NFE2L3: variants seen among roughly 807,000 people sequenced by gnomAD.
The protein encoded by NFE2L3 is nuclear factor erythroid 2-related factor 3.
NFE2L3 carries 18 observed loss-of-function variants against 23.5 expected under a neutral mutation model. That is an observed-to-expected ratio of 0.77 (90% confidence interval 0.53 to 1.13). NFE2L3 has a LOEUF of 1.13. NFE2L3 is among the 50% of genes most tolerant of loss of function. NFE2L3 has a pLI of 0.00. For synonymous variants in NFE2L3, 424 were observed against 354.5 expected, an observed-to-expected ratio of 1.20 and a Z score of -2.20; for missense variants, 1,152 against 877.2, an observed-to-expected ratio of 1.31 and a Z score of -3.96.
In NFE2L3 at chr7:26,169,726, T is replaced by C. The variant is rs1784308404; in HGVS notation, c.571-8217T>C. On this transcript the variant is annotated intron_variant, in intron 1 of 3. Coordinates refer to ENST00000056233, the MANE Select transcript of NFE2L3 (RefSeq NM_004289.7). ...ATACAGGAAGGACCATCTAAGAAGA[T>C]ACTTATTCAATACCTAAGTCTGTGC... Among the ~76,000 whole-genome samples, 3 of 152,242 alleles carry C rather than the reference T, an allele frequency of 2.0e-5. 1 individual carries two copies. In the South Asian group the frequency reaches 6.2e-4, roughly 32 times the overall value.
intron 3 of NFE2L3, 97 bp downstream of exon 3, chr7:26,183,881 T>C (rs1782400414): frequency 2.5e-6 from 2 of 788,254 alleles, no homozygotes; most frequent in South Asian, 3.0e-5. Context: ...CACAGCAGTT[T>C]AAAGTAATGC....
intron 1 of NFE2L3, among the ~76,000 whole-genome samples, chr7:26,176,287 T>C (rs1336111384): frequency 1.3e-5 from 2 of 152,168 alleles, no homozygotes; most frequent in Non-Finnish European, 2.9e-5. Context: ...AACAATCTGA[T>C]CTCTCGTTCT....
At chr7:26,170,340 C>A (rs895754820) in intron 1 of NFE2L3, among the ~76,000 whole-genome samples, 1 of 152,184 alleles carries the variant, frequency 6.6e-6, no homozygotes, top group Non-Finnish European at 1.5e-5. Context: ...TCTAACATTT[C>A]GAATCTGTCC....
At chr7:26,157,688 T>C (rs1784103822) in intron 1 of NFE2L3, among the ~76,000 whole-genome samples, 2 of 152,164 alleles carry the variant, frequency 1.3e-5, no homozygotes, top group East Asian at 3.8e-4. Context: ...CTAAAGGAAG[T>C]TGTAAAGGTG....
intron 1 of NFE2L3, chr7:26,173,884 T>C (rs1406488583): frequency 6.6e-6 from 1 of 151,994 alleles, no homozygotes; most frequent in Non-Finnish European, 1.5e-5. Context: ...CAAATAAACA[T>C]GGTAATATAT....
chr7:26,165,456 A>T (rs1016930472), intron 1 of NFE2L3, among the ~76,000 whole-genome samples: 12 of 152,154 alleles, frequency 7.9e-5, no homozygotes, highest in African/African-American at 2.9e-4. Context: ...TTTGTCTGTT[A>T]TTGGTATATA....
intron 3 of NFE2L3, chr7:26,184,037 G>T: frequency 2.0e-6 from 1 of 488,994 alleles, no homozygotes; most frequent in South Asian, 2.9e-5. Flanking sequence ...GAATTATCAG[G>T]TATTTATCCA....
At chr7:26,178,228 T>C (rs755672477) in intron 2 of NFE2L3, 106 bp downstream of exon 2, 47 of 844,330 alleles carry the variant, frequency 5.6e-5, no homozygotes, top group Non-Finnish European at 7.0e-5. Flanking sequence ...TATGCTCTAC[T>C]ATTAACAAAT....
chr7:26,163,653 C>CTTTA (rs1011872679), intron 1 of NFE2L3, among the ~76,000 whole-genome samples: 2 of 151,984 alleles, frequency 1.3e-5, no homozygotes, highest in African/African-American at 4.8e-5. Context: ...GGCCAGGATT[C>CTTTA]TTTATTTATT....
chr7:26,185,876 G>A lies in NFE2L3; in HGVS notation c.*93G>A, dbSNP rs1010317231. ...AACCATTGAAACTGCTTCAAGAATT[G>A]TATCTTTAAGTACTGCTACTTGAAT... On this transcript the variant is annotated 3_prime_UTR_variant, in exon 4 of 4. Transcript: ENST00000056233. 47 of 1,004,638 alleles carry A rather than the reference G, an allele frequency of 4.7e-5. No homozygotes were observed. Among genetic ancestry groups the A allele is most frequent in the Admixed American group, 1.3e-4 (4 of 31,916 alleles). 62.2% of individuals were successfully genotyped at this position (1,004,638 alleles called of 1,614,324 possible). A position where few individuals can be genotyped will look rare whatever the true frequency, so the allele number is the denominator to read the frequency against.
chr7:26,152,310 G>A lies in NFE2L3; in HGVS notation c.-189G>A, dbSNP rs544813766. 4.5e-5 allele frequency: 13 copies of A among 291,580 alleles called. 1 individual carries two copies. The highest frequency in any genetic ancestry group is 7.3e-5 in the Non-Finnish European group (12 of 164,606). The allele number at this position is 291,580 out of a possible 1,614,324, so 18.1% of individuals were successfully genotyped here. On this transcript the variant is annotated 5_prime_UTR_variant, in exon 1 of 4. Coordinates refer to ENST00000056233, the MANE Select transcript of NFE2L3 (RefSeq NM_004289.7). This position sits in a 1 kb window ranked among gnomAD's most constrained non-coding sequence, Gnocchi z 4.4. Reference sequence around the variant, plus strand: ...GGCGGTGCCAGGCACGGTGCCGGCTGCCGAGGGAACGCCTTTGTGCCCGGT... The same window carrying A: ...GGCGGTGCCAGGCACGGTGCCGGCTACCGAGGGAACGCCTTTGTGCCCGGT...
intron 1 of NFE2L3, among the ~76,000 whole-genome samples, chr7:26,153,329 G>A (rs956276842): frequency 3.9e-5 from 6 of 152,320 alleles, no homozygotes; most frequent in African/African-American, 1.4e-4. Context: ...TGTGTGTGAT[G>A]GCTGGCAAGA....
At chr7:26,171,714 T>C (rs1235872453) in intron 1 of NFE2L3, among the ~76,000 whole-genome samples, 1 of 152,204 alleles carries the variant, frequency 6.6e-6, no homozygotes, top group African/African-American at 2.4e-5. Context: ...TTCACTTGTA[T>C]TTTTGGTTCC....
intron 2 of NFE2L3, among the ~76,000 whole-genome samples, chr7:26,182,780 A>ACTCC (rs776709812): frequency 2.0e-4 from 30 of 152,082 alleles, no homozygotes; most frequent in Non-Finnish European, 4.3e-4. Flanking sequence ...AAATTGGAGT[A>ACTCC]AATGTAAATA....
chr7:26,180,126 T>C (rs1583937875), intron 2 of NFE2L3, among the ~76,000 whole-genome samples: 2 of 152,184 alleles, frequency 1.3e-5, no homozygotes, highest in East Asian at 3.9e-4. Context: ...CTTGCATGGT[T>C]TCTCATCGTT....
chr7:26,178,805 CACTCGAGAT>C (rs1002200489), intron 2 of NFE2L3, among the ~76,000 whole-genome samples: 3 of 152,148 alleles, frequency 2.0e-5, no homozygotes, highest in African/African-American at 7.2e-5. Context: ...GGCAAACAGG[CACTCGAGAT>C]ATTTAATAAC....
Position 26,185,553 on chromosome 7 carries a change from A to T in NFE2L3, c.1855A>T (p.Thr619Ser), listed in dbSNP as rs1341248052. ...ATGTAACTTGCAAGCAAAGAAGGAA[A>T]CTCTTAAGAGAGAGCAAGCACAATG... is the stretch of plus-strand genomic sequence containing the variant. ...DVCNLQAKKE[T>S]LKREQAQCNK... The change falls in exon 4 of 4, where the codon ACT becomes TCT. Residue 619 changes from threonine (T) to serine (S), a missense_variant. Thr to Ser is a moderately conservative substitution (Grantham distance 58). Transcript: ENST00000056233. The T allele has an allele frequency of 4.3e-6, 7 of 1,613,800 alleles. No homozygotes were observed. The highest frequency in any genetic ancestry group is 5.9e-6 in the Non-Finnish European group (7 of 1,179,798).
chr7:26,167,913 A>G (rs1173536275), intron 1 of NFE2L3, among the ~76,000 whole-genome samples: 1 of 152,172 alleles, frequency 6.6e-6, no homozygotes, highest in Non-Finnish European at 1.5e-5. Context: ...TTTAAAATGA[A>G]TATCTGATTT....
intron 1 of NFE2L3, among the ~76,000 whole-genome samples, chr7:26,168,105 A>C: frequency 1.5e-5 from 2 of 134,982 alleles, no homozygotes; most frequent in African/African-American, 5.4e-5. Context: ...CCTCCCCCCA[A>C]GTCCTTGAAA....
Sources: allele counts gnomAD v4.1 joint callset (sites outside exome capture counted in the v4.1 genomes callset), GRCh38; gene constraint gnomAD v4.1.1; non-coding constraint Gnocchi (gnomAD v3.1); transcripts MANE v1.5; gene names NCBI Gene and HGNC (gene_info 2026-07-23, HGNC 2026-07-21).